The following USH2A variants were observed in gnomAD, a reference collection of about 807,000 sequenced individuals.
The protein encoded by USH2A is Usher syndrome 2A (autosomal recessive, mild).
In USH2A, 443 loss-of-function variants were observed where a neutral mutation model predicts 538.9. The ratio of observed to expected loss-of-function variants is 0.82; its 90% CI spans 0.76 to 0.89. USH2A has a LOEUF of 0.89. Ranked by LOEUF, USH2A falls within the 40% of genes least tolerant of loss-of-function variation. The probability of loss-of-function intolerance (pLI) is 0.00; values close to 1 mark genes in which losing one functional copy is unlikely to be tolerated. For missense variants in USH2A, 6,633 were observed against 6,324.8 expected, an observed-to-expected ratio of 1.05 and a Z score of -1.65; for synonymous variants, 2,413 against 2,273.5, an observed-to-expected ratio of 1.06 and a Z score of -1.75.
chr1:215,871,517 C>A (rs1206104460), intron 43 of USH2A, among the ~76,000 whole-genome samples: 1 of 152,100 alleles, frequency 6.6e-6, no homozygotes, highest in African/African-American at 2.4e-5. Context: ...TGAAACTTAG[C>A]AAAGTGCTTT....
chr1:216,409,140 A>G (rs946035341), intron 3 of USH2A, among the ~76,000 whole-genome samples: 1 of 152,162 alleles, frequency 6.6e-6, no homozygotes, highest in Non-Finnish European at 1.5e-5. Flanking sequence ...CAAAAAGAAT[A>G]AAATACCAGG....
chr1:216,036,665 A>G (rs2029993729), intron 32 of USH2A, among the ~76,000 whole-genome samples: 1 of 152,174 alleles, frequency 6.6e-6, no homozygotes, highest in African/African-American at 2.4e-5. Flanking sequence ...CTAAATTCTA[A>G]TTGCACAGAT....
chr1:216,226,729 C>G (rs1558328955), intron 14 of USH2A, among the ~76,000 whole-genome samples: 1 of 152,186 alleles, frequency 6.6e-6, no homozygotes, highest in Non-Finnish European at 1.5e-5. Flanking sequence ...GTCCTTTATT[C>G]TACACAGGCC....
chr1:216,099,219 T>C (rs1464793446), intron 21 of USH2A, among the ~76,000 whole-genome samples: 1 of 152,180 alleles, frequency 6.6e-6, no homozygotes, highest in African/African-American at 2.4e-5. Context: ...TTTTTATTTC[T>C]CATTGTTACA....
chr1:216,097,654 C>A lies in USH2A; in HGVS notation c.4628-441G>T, dbSNP rs141376373. 5.0e-3 allele frequency among the ~76,000 whole-genome samples: 765 copies of A among 152,224 alleles called. 7 individuals are homozygous for A. The highest frequency in any genetic ancestry group is 0.018 in the African/African-American group (741 of 41,542). On this transcript the variant is annotated intron_variant, in intron 21 of 71. Transcript: ENST00000307340. ...GTAATAGAAGTTAATATTGGAAAGA[C>A]CTGCCATGAAGAGGCCTATAGAGGT...
chr1:215,625,662 A>T lies in USH2A; in HGVS notation c.*119T>A. The T allele has an allele frequency of 1.1e-6, 1 of 922,988 alleles. No homozygotes were observed. The highest frequency in any genetic ancestry group is 1.8e-6 in the Non-Finnish European group (1 of 570,006). 57.2% of individuals were successfully genotyped at this position (922,988 alleles called of 1,614,324 possible). On this transcript the variant is annotated 3_prime_UTR_variant, in exon 72 of 72. Transcript: ENST00000307340. Reference sequence around the variant, plus strand: ...TTTCAAAAACAGTCATCATTTCTTTAAAGAATTATAGGATAATAAACAATG... The same window carrying T: ...TTTCAAAAACAGTCATCATTTCTTTTAAGAATTATAGGATAATAAACAATG...
At chr1:215,733,351 C>A (rs935939352) in intron 60 of USH2A, among the ~76,000 whole-genome samples, 10 of 152,128 alleles carry the variant, frequency 6.6e-5, no homozygotes, top group Admixed American at 6.5e-4. Flanking sequence ...CCCACTAGGC[C>A]CCATCTGCAA....
chr1:216,378,922 T>C (rs2038884584), intron 3 of USH2A, among the ~76,000 whole-genome samples: 1 of 152,214 alleles, frequency 6.6e-6, no homozygotes, highest in African/African-American at 2.4e-5. Context: ...TGGATCTGTC[T>C]GCAGATGTGT....
In USH2A at chr1:215,900,886, A is replaced by G; in HGVS notation, c.7320T>C (p.Pro2440=). Residue 2440 remains proline (P), a synonymous_variant, in exon 39 of 72, where the codon CCT becomes CCC. Coordinates refer to ENST00000307340, the MANE Select transcript of USH2A (RefSeq NM_206933.4). Reference sequence around the variant, plus strand: ...TTGGAGTGGCAGATGAAAGCCTGGGAGGCAGCACGCCATCTGGAGCTGTCG... The same window carrying G: ...TTGGAGTGGCAGATGAAAGCCTGGGGGGCAGCACGCCATCTGGAGCTGTCG... ...MPPGAPDGVL[P]PRLSSATPTS... 1 of 1,613,594 alleles carries G rather than the reference A, an allele frequency of 6.2e-7. No homozygotes were observed. Among genetic ancestry groups the G allele is most frequent in the Non-Finnish European group, 8.5e-7 (1 of 1,179,714 alleles).
chr1:215,752,076 T>C (rs951538159), intron 58 of USH2A, among the ~76,000 whole-genome samples: 2 of 152,184 alleles, frequency 1.3e-5, no homozygotes, highest in Non-Finnish European at 2.9e-5. Context: ...TGTCTCTCTC[T>C]CTCTGTCTCT....
chr1:215,847,369 C>A (rs146856311), intron 44 of USH2A, among the ~76,000 whole-genome samples: 6 of 152,178 alleles, frequency 3.9e-5, no homozygotes, highest in Non-Finnish European at 5.9e-5. Flanking sequence ...AAAAATTGCT[C>A]AGGCTGGGCA....
At chr1:216,272,599 G>A (rs1054878860) in intron 11 of USH2A, among the ~76,000 whole-genome samples, 9 of 151,908 alleles carry the variant, frequency 5.9e-5, no homozygotes, top group Admixed American at 2.6e-4. Flanking sequence ...CCTGCTACTC[G>A]TTGACTCACT....
chr1:216,265,393 G>A (rs2036451575), intron 11 of USH2A, among the ~76,000 whole-genome samples: 1 of 151,908 alleles, frequency 6.6e-6, no homozygotes, highest in South Asian at 2.1e-4. Flanking sequence ...ATACACTGTT[G>A]GTAGGAATGT....
intron 4 of USH2A, among the ~76,000 whole-genome samples, chr1:216,334,178 T>A (rs2037925290): frequency 6.6e-6 from 1 of 151,940 alleles, no homozygotes; most frequent in Non-Finnish European, 1.5e-5. Context: ...ATGTAAAAAA[T>A]CTCCATAGAC....
chr1:215,698,821 A>C (rs1011162158), intron 61 of USH2A, among the ~76,000 whole-genome samples: 2 of 152,050 alleles, frequency 1.3e-5, no homozygotes, highest in Non-Finnish European at 2.9e-5. Context: ...GAAGCTCTTT[A>C]GTTTAATCAG....
intron 3 of USH2A, among the ~76,000 whole-genome samples, chr1:216,391,970 A>G (rs2039117243): frequency 6.6e-6 from 1 of 152,176 alleles, no homozygotes; most frequent in Non-Finnish European, 1.5e-5. Context: ...ATGCCTCAGT[A>G]GTCTCATCTG....
chr1:216,381,920 G>T (rs2038929424), intron 3 of USH2A, among the ~76,000 whole-genome samples: 1 of 152,190 alleles, frequency 6.6e-6, no homozygotes, highest in Admixed American at 6.5e-5. Flanking sequence ...TGCAAGTACT[G>T]TATTTTCAAT....
chr1:215,994,386 A>AT lies in USH2A; in HGVS notation c.6658-1220dup, dbSNP rs200156134. Among the ~76,000 whole-genome samples, 459 of 150,460 alleles carry AT rather than the reference A, an allele frequency of 3.1e-3. 2 individuals are homozygous for AT. Among genetic ancestry groups the AT allele is most frequent in the South Asian group, 0.011 (51 of 4,730 alleles). ...CAGAAGGAAGCTGACTGATTTTTAG[A>AT]TTTTTTTTTTAAATATGGGAGTACA... On this transcript the variant is annotated intron_variant, in intron 34 of 71. Coordinates refer to ENST00000307340, the MANE Select transcript of USH2A (RefSeq NM_206933.4).
At chr1:216,111,989 C>CA (rs1460522336) in intron 21 of USH2A, among the ~76,000 whole-genome samples, 1 of 151,770 alleles carries the variant, frequency 6.6e-6, no homozygotes, top group Non-Finnish European at 1.5e-5. Flanking sequence ...TTAAATTATG[C>CA]AAAACAGTTC....
Sources: allele counts gnomAD v4.1 joint callset (sites outside exome capture counted in the v4.1 genomes callset), GRCh38; gene constraint gnomAD v4.1.1; transcripts MANE v1.5; gene names NCBI Gene and HGNC (gene_info 2026-07-23, HGNC 2026-07-21).